Variants in MYRIP observed in about 807,000 individuals in gnomAD.
MYRIP encodes myosin VIIA and Rab interacting protein.
In MYRIP, 49 loss-of-function variants were observed where a neutral mutation model predicts 98.0. The ratio of observed to expected loss-of-function variants is 0.50; its 90% confidence interval spans 0.40 to 0.63. MYRIP has a LOEUF of 0.63. MYRIP is among the 30% of genes least tolerant of loss of function. MYRIP has a pLI of 0.00. For synonymous variants in MYRIP, 404 were observed against 409.5 expected (o/e 0.99, Z 0.16); for missense variants, 1,004 against 1,058.2 (o/e 0.95, Z 0.71).
intron 3 of MYRIP, among the ~76,000 whole-genome samples, chr3:40,125,945 C>G (rs1470194992): frequency 1.3e-5 from 2 of 152,164 alleles, no homozygotes; most frequent in Admixed American, 6.5e-5. Context: ...GAGGGCTGTT[C>G]TCTTCCATCC....
At chr3:40,224,386 TGTCTGAGGAACA>T (rs898505997) in intron 11 of MYRIP, among the ~76,000 whole-genome samples, 6 of 150,748 alleles carry the variant, frequency 4.0e-5, no homozygotes, top group African/African-American at 1.5e-4. Context: ...TAGGAACTAT[TGTCTGAGGAACA>T]GTCAGTATAA....
At chr3:39,870,066 G>C (rs1418397967) in intron 1 of MYRIP, among the ~76,000 whole-genome samples, 1 of 152,162 alleles carries the variant, frequency 6.6e-6, no homozygotes, top group Non-Finnish European at 1.5e-5. Flanking sequence ...AACTGCAGGG[G>C]GGTTGCCATG....
intron 2 of MYRIP, among the ~76,000 whole-genome samples, chr3:39,957,082 C>A (rs1945185443): frequency 6.6e-6 from 1 of 151,802 alleles, no homozygotes; most frequent in African/African-American, 2.4e-5. Context: ...GGATTCACAG[C>A]CGAATTCTAC....
Position 40,170,026 on chromosome 3 carries a change from G to A in MYRIP, c.806G>A (p.Ser269Asn), listed in dbSNP as rs757418634. The change falls in exon 8 of 17, where the codon AGC (serine) becomes AAC (asparagine). Residue 269 changes from serine to asparagine, a missense_variant. Ser to Asn is a conservative substitution (Grantham distance 46). Around this residue, in one of 3 missense-constraint regions of MYRIP, gnomAD observed 880 missense variants for 907.7 expected, o/e 0.97. Coordinates refer to ENST00000302541, the MANE Select transcript of MYRIP (RefSeq NM_015460.4). ...EPGWPHPQSC[S>N]TKVADEGTSA... ...GGATGGCCACATCCCCAGAGTTGCA[G>A]CACAAAGGTGGCAGATGAGGGGACC... The A allele has an allele frequency of 2.5e-6, 4 of 1,614,204 alleles. No homozygotes were observed. The highest frequency in any genetic ancestry group is 3.4e-6 in the Non-Finnish European group (4 of 1,180,034).
chr3:39,908,717 A>G (rs972588249), intron 2 of MYRIP, among the ~76,000 whole-genome samples: 2 of 152,238 alleles, frequency 1.3e-5, no homozygotes, highest in Admixed American at 1.3e-4. Flanking sequence ...AAAAGTTTCT[A>G]TTTCAAACAG....
At chr3:40,215,053 G>A (rs1438513569) in intron 11 of MYRIP, among the ~76,000 whole-genome samples, 1 of 152,110 alleles carries the variant, frequency 6.6e-6, no homozygotes, top group African/African-American at 2.4e-5. Flanking sequence ...TACTGTAGAT[G>A]AAAAAAGATG....
chr3:39,908,470 A>G (rs902118303), intron 2 of MYRIP, among the ~76,000 whole-genome samples: 3 of 152,158 alleles, frequency 2.0e-5, no homozygotes, highest in African/African-American at 7.2e-5. Context: ...GAGAAAATAA[A>G]TAAGAGCTGC....
At chr3:39,982,949 GA>G (rs1436743268) in intron 2 of MYRIP, among the ~76,000 whole-genome samples, 58 of 152,196 alleles carry the variant, frequency 3.8e-4, no homozygotes, top group African/African-American at 1.4e-3. Context: ...TATTACTTTT[GA>G]CCTATCATAG....
At chr3:39,889,091 C>T (rs1254989181) in intron 1 of MYRIP, among the ~76,000 whole-genome samples, 1 of 151,994 alleles carries the variant, frequency 6.6e-6, no homozygotes, top group Non-Finnish European at 1.5e-5. Context: ...GGACTGTAAA[C>T]TAGTTCAACC....
intron 2 of MYRIP, among the ~76,000 whole-genome samples, chr3:39,999,109 T>C (rs1946448709): frequency 1.3e-5 from 2 of 152,158 alleles, no homozygotes; most frequent in African/African-American, 4.8e-5. Flanking sequence ...ATTCAGGACA[T>C]AGGCATGGGC....
At chr3:39,893,398 A>G (rs1420396590) in intron 1 of MYRIP, among the ~76,000 whole-genome samples, 1 of 152,148 alleles carries the variant, frequency 6.6e-6, no homozygotes, top group Non-Finnish European at 1.5e-5. Flanking sequence ...CCCTTTATAT[A>G]AAATGGAAAT....
chr3:39,993,991 C>T (rs887340327), intron 2 of MYRIP, among the ~76,000 whole-genome samples: 1 of 152,184 alleles, frequency 6.6e-6, no homozygotes, highest in Non-Finnish European at 1.5e-5. Flanking sequence ...AGTATGAACA[C>T]GTCTTTTCAA....
chr3:39,912,119 C>G (rs1235270810), intron 2 of MYRIP, among the ~76,000 whole-genome samples: 1 of 152,182 alleles, frequency 6.6e-6, no homozygotes, highest in Admixed American at 6.5e-5. Context: ...TCACCTTCCC[C>G]CTGCTGGTCT....
chr3:40,034,114 A>G (rs1186606450), intron 2 of MYRIP, among the ~76,000 whole-genome samples: 1 of 152,112 alleles, frequency 6.6e-6, no homozygotes, highest in African/African-American at 2.4e-5. Context: ...AAAACCATAA[A>G]AACCCTAGAA....
chr3:39,962,212 G>A (rs181781971), intron 2 of MYRIP, among the ~76,000 whole-genome samples: 1 of 152,202 alleles, frequency 6.6e-6, no homozygotes, highest in South Asian at 2.1e-4. Flanking sequence ...TGTTATGAAG[G>A]TCAAGTAAAA....
At chr3:40,167,961 T>C (rs1215199860) in intron 7 of MYRIP, among the ~76,000 whole-genome samples, 1 of 152,138 alleles carries the variant, frequency 6.6e-6, no homozygotes, top group Non-Finnish European at 1.5e-5. Flanking sequence ...ACAAGGAAGG[T>C]TTCTGTGCCT....
intron 7 of MYRIP, 94 bp from the exon 8 acceptor site, chr3:40,169,856 G>T (rs1017763372): frequency 6.7e-7 from 1 of 1,491,266 alleles, no homozygotes; most frequent in East Asian, 2.3e-5. Flanking sequence ...CTTATAAGTG[G>T]CTGAAAAAAA....
chr3:40,189,950 C>T lies in MYRIP; in HGVS notation c.1152C>T (p.Ser384=), dbSNP rs766823556. The part of the protein sequence containing the change: ...SGTFQALEVA[S]SVASAYDEMG... Reference sequence around the variant, plus strand: ...CGTTTCAGGCCCTGGAGGTGGCCTCCAGTGTGGCATCTGCCTACGATGAGA... The same window carrying T: ...CGTTTCAGGCCCTGGAGGTGGCCTCTAGTGTGGCATCTGCCTACGATGAGA... Residue 384 remains serine, a synonymous_variant, in exon 10 of 17, where the codon TCC becomes TCT. Coordinates refer to ENST00000302541, the MANE Select transcript of MYRIP (RefSeq NM_015460.4). The T allele has an allele frequency of 3.1e-6, 5 of 1,614,176 alleles. No homozygotes were observed. The Admixed American group carries it at 6.7e-5, about 22-fold the overall frequency.
intron 1 of MYRIP, among the ~76,000 whole-genome samples, chr3:39,863,440 A>G (rs1942528938): frequency 6.6e-6 from 1 of 152,112 alleles, no homozygotes. Context: ...ATCCAAATAA[A>G]CACAATAAGA....
Sources: allele counts gnomAD v4.1 joint callset (sites outside exome capture counted in the v4.1 genomes callset), GRCh38; gene constraint gnomAD v4.1.1; regional missense constraint gnomAD v4.1.1; transcripts MANE v1.5; gene names NCBI Gene and HGNC (gene_info 2026-07-23, HGNC 2026-07-21).